HSPH1: variants seen among roughly 807,000 people sequenced by gnomAD.
HSPH1 encodes heat shock protein 105 kDa.
In HSPH1, 40 loss-of-function variants were observed where a neutral mutation model predicts 100.0. The ratio of observed to expected loss-of-function variants is 0.40; its 90% CI spans 0.31 to 0.52. The LOEUF is 0.52. Among genes scored for constraint, HSPH1 ranks in the 20% least tolerant of loss-of-function variants. The pLI is 0.54. For missense variants in HSPH1, 876 were observed against 1,015.1 expected, an observed-to-expected ratio of 0.86 and a Z score of 1.86; for synonymous variants, 403 against 344.0, an observed-to-expected ratio of 1.17 and a Z score of -1.90.
intron 6 of HSPH1, 193 bp from the exon 7 acceptor site, chr13:31,151,384 A>G: frequency 4.4e-6 from 3 of 682,590 alleles, no homozygotes; most frequent in African/African-American, 1.8e-5. Context: ...ATAGAAAATA[A>G]CTGTAAAAAG....
At chr13:31,154,582 A>G in intron 4 of HSPH1, 51 bp downstream of exon 4, 1 of 1,608,766 alleles carries the variant, frequency 6.2e-7, no homozygotes, top group Non-Finnish European at 8.5e-7. Flanking sequence ...AAAGTAATAC[A>G]AAGAACGCAA....
In HSPH1 at chr13:31,156,743, C is replaced by T. The variant is rs1298022392; in HGVS notation, c.166-1089G>A. On this transcript the variant is annotated intron_variant, in intron 2 of 17. Coordinates refer to ENST00000320027, the MANE Select transcript of HSPH1 (RefSeq NM_006644.4). Reference sequence around the variant, plus strand: ...AGTAATTCAACAAGTTTCTAAGTGACCTAATGTTTTCAACTGCATGTGCGT... The same window carrying T: ...AGTAATTCAACAAGTTTCTAAGTGATCTAATGTTTTCAACTGCATGTGCGT... Among the ~76,000 whole-genome samples the T allele has an allele frequency of 2.0e-5, 3 of 152,186 alleles. No homozygotes were observed. The East Asian group carries it at 5.8e-4, about 29-fold the overall frequency.
chr13:31,151,926 T>A (rs139496149), intron 5 of HSPH1, 184 bp from the exon 6 acceptor site: 28 of 567,626 alleles, frequency 4.9e-5, no homozygotes, highest in African/African-American at 4.6e-4. Flanking sequence ...ACTCTCTTTC[T>A]GATTTCAGAA....
At chr13:31,147,199 T>TCC (rs1956294057) in intron 10 of HSPH1, among the ~76,000 whole-genome samples, 1 of 152,164 alleles carries the variant, frequency 6.6e-6, no homozygotes, top group African/African-American at 2.4e-5. Context: ...TTTATCAAAA[T>TCC]CTTACAAGTC....
rs139279823 is a variant in HSPH1, at chr13:31,161,479, G to C, written c.104C>G (p.Thr35Ser). 4.2e-5 allele frequency: 67 copies of C among 1,614,008 alleles called. No individual in the cohort carries two copies. The African/African-American group carries it at 8.7e-4, about 21-fold the overall frequency. The change falls in exon 1 of 18, where the codon ACC becomes AGC. Residue 35 changes from threonine to serine, a missense_variant. Transcript: ENST00000320027. ...TIANEFSDRC[T>S]PSVISFGSKN... The stretch of plus-strand genomic sequence containing the variant: ...ACCCTCGCAGACTCCCACTTACGGG[G>C]TGCACCGGTCGCTGAACTCATTGGC...
intron 10 of HSPH1, among the ~76,000 whole-genome samples, chr13:31,147,322 C>A (rs1956299154): frequency 6.6e-6 from 1 of 152,088 alleles, no homozygotes; most frequent in Non-Finnish European, 1.5e-5. Flanking sequence ...AAAGAAAACA[C>A]AACTGATCAG....
intron 9 of HSPH1, 77 bp from the exon 10 acceptor site, chr13:31,148,169 G>C (rs966856800): frequency 1.4e-6 from 2 of 1,408,116 alleles, no homozygotes; most frequent in Non-Finnish European, 2.0e-6. Context: ...ACAGAAAAGA[G>C]GCTTTCTAAA....
Position 31,138,605 on chromosome 13 carries a change from T to G in HSPH1, c.2209-37A>C, listed in dbSNP as rs538177294. On this transcript the variant is annotated intron_variant, in intron 16 of 17. Coordinates refer to ENST00000320027, the MANE Select transcript of HSPH1 (RefSeq NM_006644.4). ...TAACACGGTCATTCTGTAGAATTTATTGAACAATAGTATCTCATTTGACTC... is the reference window on the plus strand; with the variant it reads ...TAACACGGTCATTCTGTAGAATTTAGTGAACAATAGTATCTCATTTGACTC... 50 of 1,580,360 alleles carry G rather than the reference T, an allele frequency of 3.2e-5. 1 individual carries two copies. The highest frequency in any genetic ancestry group is 8.6e-7 in the Non-Finnish European group (1 of 1,163,716).
At chr13:31,141,954 CA>C (rs1956113612) in intron 12 of HSPH1, among the ~76,000 whole-genome samples, 1 of 151,972 alleles carries the variant, frequency 6.6e-6, no homozygotes, top group South Asian at 2.1e-4. Context: ...GTAGGTTTTT[CA>C]AAATATGTAA....
At chr13:31,162,034 C>T (rs1388520550), upstream of HSPH1, 1 of 1,536,054 alleles carries the variant, frequency 6.5e-7, no homozygotes, top group East Asian at 2.4e-5. Context: ...TCTTCTCGAG[C>T]CTTCTGGAAA....
rs1422859110 is a variant in HSPH1 at position 31,139,000 on chromosome 13, C to A, written c.2088G>T (p.Met696Ile). The A allele has an allele frequency of 1.2e-6, 2 of 1,606,258 alleles. No homozygotes were observed. Among genetic ancestry groups the A allele is most frequent in the African/African-American group, 1.3e-5 (1 of 74,726 alleles). ...QAYVDKLEEL[M>I]KIGTPVKVRF... ...CCTTTTGGGGGAGAAAACGACCTAC[C>A]ATTAATTCTTCCAACTTGTCAACAT... Residue 696 changes from methionine to isoleucine, a missense_variant and splice_region_variant, in exon 15 of 18, where the codon ATG (methionine) becomes ATT (isoleucine). By Grantham distance (10) the Met-to-Ile change is conservative. Transcript: ENST00000320027.
At chr13:31,159,841 C>T (rs1034429187) in intron 1 of HSPH1, among the ~76,000 whole-genome samples, 6 of 151,992 alleles carry the variant, frequency 3.9e-5, no homozygotes, top group Non-Finnish European at 5.9e-5. Flanking sequence ...AAAATAGCAT[C>T]CTAAAAGCCA....
chr13:31,138,687 A>C, intron 16 of HSPH1, 94 bp downstream of exon 16: 1 of 1,531,462 alleles, frequency 6.5e-7, no homozygotes, highest in African/African-American at 1.4e-5. Context: ...CCAAAATTTC[A>C]AAGTTAAGAC....
At chr13:31,148,154 C>T in intron 9 of HSPH1, 62 bp from the exon 10 acceptor site, 2 of 1,488,148 alleles carry the variant, frequency 1.3e-6, no homozygotes, top group Non-Finnish European at 1.8e-6. Flanking sequence ...TACTGTGCTA[C>T]ACAAACAGAA....
chr13:31,147,795 G>A (rs1956322579), intron 10 of HSPH1, among the ~76,000 whole-genome samples, 164 bp downstream of exon 10: 1 of 152,026 alleles, frequency 6.6e-6, no homozygotes, highest in Non-Finnish European at 1.5e-5. Context: ...TCAATAAAAT[G>A]AAGATATTTC....
At chr13:31,140,076 AAAGTTT>A (rs1443133835) in intron 14 of HSPH1, 102 bp downstream of exon 14, 23 of 1,124,474 alleles carry the variant, frequency 2.0e-5, no homozygotes, top group Non-Finnish European at 2.5e-5. Flanking sequence ...CTGTTTCTAA[AAAGTTT>A]AAGTTACATA....
chr13:31,160,517 T>A (rs903759216), intron 1 of HSPH1, among the ~76,000 whole-genome samples: 9 of 152,248 alleles, frequency 5.9e-5, no homozygotes, highest in Non-Finnish European at 1.3e-4. Flanking sequence ...AGTATTTTCC[T>A]TGAGATGAAA....
intron 5 of HSPH1, 107 bp from the exon 6 acceptor site, chr13:31,151,849 T>C (rs1956499954): frequency 2.2e-6 from 2 of 910,844 alleles, no homozygotes; most frequent in African/African-American, 1.7e-5. Flanking sequence ...CTTGAAACAA[T>C]TAAAGGTGAA....
At position 31,143,938 on chromosome 13, in the gene HSPH1, C is replaced by G; in HGVS notation, c.1585-15G>C. 6.3e-7 allele frequency: 1 copy of G among 1,577,950 alleles called. No individual in the cohort carries two copies. Among genetic ancestry groups the G allele is most frequent in the Middle Eastern group, 1.7e-4 (1 of 5,922 alleles). On this transcript the variant is annotated splice_polypyrimidine_tract_variant and intron_variant, in intron 11 of 17. Coordinates refer to ENST00000320027, the MANE Select transcript of HSPH1 (RefSeq NM_006644.4). ...TGGACATTTTTCTGAAATGAAAGCCCAGGCACAAAGGATGTAGAAAGCAGG... is the reference window on the plus strand; with the variant it reads ...TGGACATTTTTCTGAAATGAAAGCCGAGGCACAAAGGATGTAGAAAGCAGG...
Sources: gnomAD v4.1 joint callset for allele counts (sites outside exome capture counted in the v4.1 genomes callset) on GRCh38, gnomAD v4.1.1 for gene constraint, MANE v1.5 for transcripts, NCBI Gene and HGNC (gene_info 2026-07-23, HGNC 2026-07-21) for gene names.